The following RUNX1 variants were observed in gnomAD, a reference collection of about 807,000 sequenced individuals.
The protein encoded by RUNX1 is RUNX family transcription factor 1, also known as runt-related transcription factor 1.
RUNX1 carries 19 observed loss-of-function variants against 42.8 expected under a neutral mutation model. The observed-to-expected ratio is 0.44, with a 90% CI of 0.31 to 0.65. The LOEUF is 0.65. RUNX1 is among the 30% of genes least tolerant of loss of function. The pLI is 0.07. For missense variants in RUNX1, 528 were observed against 672.0 expected, an observed-to-expected ratio of 0.79 and a Z score of 2.37; for synonymous variants, 271 against 289.4, an observed-to-expected ratio of 0.94 and a Z score of 0.64.
Position 34,834,620 on chromosome 21 carries a change from A to C in RUNX1, c.614-19T>G. ...CGATGTCCTATTGTGGGGAGCAGGG[A>C]GGGGAGGGGATGGGGGGAGGGAAGG... On this transcript the variant is annotated intron_variant, in intron 6 of 8. Transcript: ENST00000675419. 13 of 843,638 alleles carry C rather than the reference A, an allele frequency of 1.5e-5. No individual in the cohort carries two copies. Among genetic ancestry groups the C allele is most frequent in the Non-Finnish European group, 2.3e-5 (12 of 530,672 alleles). 52.3% of individuals were successfully genotyped at this position (843,638 alleles called of 1,614,324 possible).
At chr21:34,889,330 G>A (rs2146432667) in intron 3 of RUNX1, among the ~76,000 whole-genome samples, 1 of 152,254 alleles carries the variant, frequency 6.6e-6, no homozygotes, top group African/African-American at 2.4e-5. Flanking sequence ...GCCGGACGGC[G>A]TCCGCGCGTG....
intron 2 of RUNX1, among the ~76,000 whole-genome samples, chr21:34,992,004 A>G: frequency 6.6e-6 from 1 of 152,214 alleles, no homozygotes; most frequent in East Asian, 1.9e-4. Flanking sequence ...GAGCCTGCAC[A>G]GGGAGCAAGG....
intron 2 of RUNX1, among the ~76,000 whole-genome samples, chr21:34,938,135 G>C (rs1569114515): frequency 1.3e-5 from 2 of 152,098 alleles, no homozygotes; most frequent in Non-Finnish European, 2.9e-5. Flanking sequence ...ACAGTGAAAA[G>C]CCTCAAAGTT....
intron 5 of RUNX1, among the ~76,000 whole-genome samples, chr21:34,865,622 C>T (rs528822115): frequency 5.9e-5 from 9 of 152,312 alleles, no homozygotes; most frequent in South Asian, 4.1e-4. Context: ...GGCCAGTCAG[C>T]GGGGAGGCCC....
chr21:34,793,782 C>T (rs868044737), intron 8 of RUNX1, among the ~76,000 whole-genome samples: 2 of 151,772 alleles, frequency 1.3e-5, no homozygotes, highest in Non-Finnish European at 2.9e-5. Context: ...CGGCTCACTG[C>T]ACCCACCACC....
chr21:34,909,883 C>T (rs932512123), intron 2 of RUNX1, among the ~76,000 whole-genome samples: 1 of 152,022 alleles, frequency 6.6e-6, no homozygotes, highest in Non-Finnish European at 1.5e-5. Context: ...CCTCCAGTTC[C>T]TCTTTCCTTT....
intron 2 of RUNX1, among the ~76,000 whole-genome samples, chr21:34,979,264 C>G (rs1209872029): frequency 6.6e-6 from 1 of 151,932 alleles, no homozygotes; most frequent in Non-Finnish European, 1.5e-5. Flanking sequence ...CAAGATATGC[C>G]TCAAGCGTTA....
intron 2 of RUNX1, among the ~76,000 whole-genome samples, chr21:34,893,793 C>A (rs78861611): frequency 0.19 from 27,813 of 144,816 alleles, 2,696 homozygotes; most frequent in Non-Finnish European, 0.22. Context: ...TAAAAAAAAA[C>A]CTTTAAAATA....
chr21:35,018,325 C>A (rs918012624), intron 2 of RUNX1, among the ~76,000 whole-genome samples: 1 of 152,092 alleles, frequency 6.6e-6, no homozygotes. Flanking sequence ...TGCGCCTGGC[C>A]CCAAATTCAT....
intron 2 of RUNX1, among the ~76,000 whole-genome samples, chr21:35,012,585 A>G (rs1354340127): frequency 1.3e-5 from 2 of 152,220 alleles, no homozygotes; most frequent in East Asian, 3.8e-4. Context: ...TACTTGGATT[A>G]ATAAAAATTA....
intron 6 of RUNX1, among the ~76,000 whole-genome samples, chr21:34,835,630 G>T (rs187014043): frequency 6.6e-6 from 1 of 152,180 alleles, no homozygotes; most frequent in South Asian, 2.1e-4. Flanking sequence ...GGTAGCCACA[G>T]GAGGCCTGGG....
At chr21:34,849,297 A>AAAATT (rs1555892671) in intron 6 of RUNX1, among the ~76,000 whole-genome samples, 1 of 37,284 alleles carries the variant, frequency 2.7e-5, no homozygotes, top group East Asian at 1.5e-3. Context: ...TTATATATAA[A>AAAATT]ATATATAATA....
intron 2 of RUNX1, among the ~76,000 whole-genome samples, chr21:34,937,197 A>G (rs972276290): frequency 6.6e-6 from 1 of 151,770 alleles, no homozygotes; most frequent in Non-Finnish European, 1.5e-5. Context: ...CTTATGCAAC[A>G]TTCTCTGTTT....
Position 34,798,876 on chromosome 21 carries a change from T to A in RUNX1, c.967+425A>T, listed in dbSNP as rs150525209. Among the ~76,000 whole-genome samples the A allele has an allele frequency of 7.6e-3, 1,155 of 152,268 alleles. 13 individuals carry two copies. Among genetic ancestry groups the A allele is most frequent in the African/African-American group, 0.026 (1,091 of 41,544 alleles). ...CCATGGATACCAAGGGGCGGCTGTA[T>A]TTATTTCCCATTCCACATGTACTCC... On this transcript the variant is annotated intron_variant, in intron 8 of 8. Coordinates refer to ENST00000675419, the MANE Select transcript of RUNX1 (RefSeq NM_001754.5).
chr21:35,012,355 C>T (rs2242884), intron 2 of RUNX1, among the ~76,000 whole-genome samples: 12,789 of 152,220 alleles, frequency 0.084, 1,728 homozygotes, highest in African/African-American at 0.28. Flanking sequence ...TAATAAATTA[C>T]AGTGGGAAAT....
At chr21:34,937,668 C>A (rs996772055) in intron 2 of RUNX1, among the ~76,000 whole-genome samples, 20 of 151,180 alleles carry the variant, frequency 1.3e-4, no homozygotes, top group African/African-American at 3.6e-4. Context: ...ATCTTTTATA[C>A]CTGCTTCTAT....
intron 2 of RUNX1, among the ~76,000 whole-genome samples, chr21:34,992,426 C>A (rs952451512): frequency 2.0e-5 from 3 of 152,130 alleles, no homozygotes; most frequent in African/African-American, 7.2e-5. Context: ...GCTTCAATCT[C>A]CCTTTTTAGA....
intron 7 of RUNX1, chr21:34,821,199 T>C (rs2056902924): frequency 9.8e-7 from 1 of 1,022,632 alleles, no homozygotes; most frequent in African/African-American, 1.7e-5. Flanking sequence ...AGAGTAGCTG[T>C]GTGACTTGGA....
intron 7 of RUNX1, chr21:34,833,818 T>C (rs1051078030): frequency 1.4e-5 from 3 of 211,522 alleles, no homozygotes; most frequent in African/African-American, 6.8e-5. Context: ...TATTGCATCT[T>C]ACAGCGCTTT....
Sources: gnomAD v4.1 joint callset for allele counts (sites outside exome capture counted in the v4.1 genomes callset) on GRCh38, gnomAD v4.1.1 for gene constraint, MANE v1.5 for transcripts, NCBI Gene and HGNC (gene_info 2026-07-23, HGNC 2026-07-21) for gene names.